Variants in CDH13 observed in about 807,000 individuals in gnomAD.
CDH13 encodes the protein cadherin-13.
In CDH13, 24 loss-of-function variants were observed where a neutral mutation model predicts 63.8. That is an observed-to-expected ratio of 0.38 (90% CI 0.27 to 0.53). The LOEUF is 0.53. Among genes scored for constraint, CDH13 ranks in the 20% least tolerant of loss-of-function variants. The pLI is 0.85. For missense variants in CDH13, 1,049 were observed against 903.1 expected, an observed-to-expected ratio of 1.16 and a Z score of -2.07; for synonymous variants, 503 against 355.3, an observed-to-expected ratio of 1.42 and a Z score of -4.67.
chr16:83,457,308 C>T (rs981252359), intron 6 of CDH13, among the ~76,000 whole-genome samples: 4 of 152,180 alleles, frequency 2.6e-5, no homozygotes, highest in Admixed American at 6.5e-5. Context: ...CTAATTGTTA[C>T]AGCTTAGTAG....
At chr16:83,725,015 C>G (rs143552271) in intron 10 of CDH13, among the ~76,000 whole-genome samples, 2 of 152,300 alleles carry the variant, frequency 1.3e-5, no homozygotes, top group East Asian at 3.9e-4. Flanking sequence ...CACATATGGC[C>G]TCTGTCATCC....
At chr16:83,444,968 G>T (rs8044119) in intron 6 of CDH13, among the ~76,000 whole-genome samples, 3 of 151,988 alleles carry the variant, frequency 2.0e-5, no homozygotes, top group African/African-American at 4.8e-5. Flanking sequence ...TCTTAAGAAA[G>T]GATGGCATTG....
At chr16:83,271,252 A>T (rs2088798006) in intron 5 of CDH13, among the ~76,000 whole-genome samples, 1 of 151,512 alleles carries the variant, frequency 6.6e-6, no homozygotes, top group South Asian at 2.1e-4. Flanking sequence ...AAGTCTGTTA[A>T]CTAAAACTTG....
In CDH13 at chr16:82,627,347, T is replaced by C. The variant is rs1412322087; in HGVS notation, c.45+210T>C. Among the ~76,000 whole-genome samples, 77 of 149,302 alleles carry C rather than the reference T, an allele frequency of 5.2e-4. 1 individual carries two copies. The highest frequency in any genetic ancestry group is 5.7e-4 in the Non-Finnish European group (38 of 66,994). On this transcript the variant is annotated intron_variant, in intron 1 of 13. Coordinates refer to ENST00000567109, the MANE Select transcript of CDH13 (RefSeq NM_001257.5). ...TCCCACTCTGGCGTGCGTGTGTGTG[T>C]GTGTGTGTGTGTGTGTGTGTGTGTG...
chr16:83,644,863 C>T (rs994250729), intron 8 of CDH13, among the ~76,000 whole-genome samples: 6 of 152,226 alleles, frequency 3.9e-5, no homozygotes, highest in African/African-American at 1.2e-4. Context: ...CTCTAAGGCA[C>T]AGCAAGGCAG....
In CDH13 at chr16:82,873,505, G is replaced by T. The variant is rs2040410017; in HGVS notation, c.157+15032G>T. ...TGGGGTGTCCTTGATAGTTTCACAG[G>T]ACAGTGGTGTGGGCTCCTAGGTTAT... On this transcript the variant is annotated intron_variant, in intron 2 of 13. Transcript: ENST00000567109. Among the ~76,000 whole-genome samples the T allele has an allele frequency of 2.0e-5, 3 of 152,108 alleles. No homozygotes were observed. In the South Asian group the frequency reaches 6.2e-4, roughly 32 times the overall value.
intron 6 of CDH13, among the ~76,000 whole-genome samples, chr16:83,369,659 A>C (rs1011654004): frequency 3.9e-5 from 6 of 152,084 alleles, no homozygotes; most frequent in African/African-American, 1.4e-4. Flanking sequence ...CCCTGGCCTC[A>C]AGTGATCCTA....
At chr16:83,402,341 G>A (rs2091981384) in intron 6 of CDH13, among the ~76,000 whole-genome samples, 1 of 152,138 alleles carries the variant, frequency 6.6e-6, no homozygotes, top group Admixed American at 6.5e-5. Context: ...TATAGAACAG[G>A]ACACAGAGTG....
intron 8 of CDH13, among the ~76,000 whole-genome samples, chr16:83,643,032 A>G (rs1911440737): frequency 5.2e-5 from 1 of 19,068 alleles, no homozygotes; most frequent in Admixed American, 5.7e-4. Context: ...CTATCGCAAG[A>G]ACAAAAAACC....
chr16:83,595,998 C>G (rs1907217995), intron 7 of CDH13, among the ~76,000 whole-genome samples: 1 of 152,228 alleles, frequency 6.6e-6, no homozygotes, highest in African/African-American at 2.4e-5. Flanking sequence ...CCCGGCAGAG[C>G]AGCACCTTTT....
chr16:82,874,538 G>C (rs1044544270), intron 2 of CDH13, among the ~76,000 whole-genome samples: 1 of 151,626 alleles, frequency 6.6e-6, no homozygotes, highest in African/African-American at 2.4e-5. Context: ...TCTCTTAACT[G>C]TGCCTGTCAG....
intron 2 of CDH13, among the ~76,000 whole-genome samples, chr16:82,929,445 A>G (rs915631714): frequency 6.6e-6 from 1 of 151,744 alleles, no homozygotes; most frequent in African/African-American, 2.4e-5. Context: ...GATCGAGACC[A>G]TCCTGGCTAG....
At chr16:83,189,871 C>G (rs1486468963) in intron 4 of CDH13, among the ~76,000 whole-genome samples, 1 of 152,146 alleles carries the variant, frequency 6.6e-6, no homozygotes, top group South Asian at 2.1e-4. Context: ...GGCGGCTTTT[C>G]TCATACTGTT....
At chr16:82,788,425 T>C (rs1235023225) in intron 1 of CDH13, among the ~76,000 whole-genome samples, 4 of 152,190 alleles carry the variant, frequency 2.6e-5, no homozygotes, top group African/African-American at 4.8e-5. Flanking sequence ...TTAACAGGTA[T>C]CATGGCCTTG....
At chr16:83,479,438 C>T (rs749831125) in intron 6 of CDH13, among the ~76,000 whole-genome samples, 3 of 152,078 alleles carry the variant, frequency 2.0e-5, no homozygotes, top group Non-Finnish European at 2.9e-5. Context: ...GGGCAGATCA[C>T]GAGTTCAGGA....
At chr16:82,662,495 G>C (rs1438998076) in intron 1 of CDH13, among the ~76,000 whole-genome samples, 2 of 152,178 alleles carry the variant, frequency 1.3e-5, no homozygotes, top group East Asian at 3.9e-4. Flanking sequence ...TTAGAGACTG[G>C]TTAATGGTGC....
intron 5 of CDH13, among the ~76,000 whole-genome samples, chr16:83,341,541 C>A (rs2090722562): frequency 6.6e-6 from 1 of 152,184 alleles, no homozygotes; most frequent in South Asian, 2.1e-4. Flanking sequence ...TGAACCTCTG[C>A]ATAAAACACA....
intron 7 of CDH13, among the ~76,000 whole-genome samples, chr16:83,532,505 C>T (rs1045412743): frequency 2.6e-5 from 4 of 152,172 alleles, no homozygotes; most frequent in African/African-American, 9.7e-5. Context: ...TCCTAGAAGC[C>T]ACATGCGGGC....
intron 5 of CDH13, among the ~76,000 whole-genome samples, chr16:83,268,971 G>A (rs2088709975): frequency 6.6e-6 from 1 of 152,140 alleles, no homozygotes; most frequent in Non-Finnish European, 1.5e-5. Context: ...AAAGAAGCAT[G>A]AAGGTGCTTT....
Sources: gnomAD v4.1 joint callset for allele counts (sites outside exome capture counted in the v4.1 genomes callset) on GRCh38, gnomAD v4.1.1 for gene constraint, MANE v1.5 for transcripts, NCBI Gene and HGNC (gene_info 2026-07-23, HGNC 2026-07-21) for gene names.